DTWD2: variants seen among roughly 807,000 people sequenced by gnomAD.
The protein encoded by DTWD2 is tRNA-uridine aminocarboxypropyltransferase 2.
A neutral mutation model predicts 31.8 loss-of-function variants in DTWD2; 39 were observed. The ratio of observed to expected loss-of-function variants is 1.22; its 90% confidence interval spans 0.95 to 1.60. The LOEUF is 1.60. DTWD2 is among the 40% of genes most tolerant of loss of function. The pLI is 0.00. For synonymous variants in DTWD2, 180 were observed against 142.8 expected (o/e 1.26, Z -1.86); for missense variants, 515 against 381.5 (o/e 1.35, Z -2.92).
chr5:118,959,757 A>G (rs559145862), intron 1 of DTWD2, among the ~76,000 whole-genome samples: 1 of 152,358 alleles, frequency 6.6e-6, no homozygotes, highest in Non-Finnish European at 1.5e-5. Flanking sequence ...AAAAACAGAC[A>G]TACAGATTAA....
At chr5:118,954,249 C>T (rs748173124) in intron 1 of DTWD2, among the ~76,000 whole-genome samples, 10 of 152,114 alleles carry the variant, frequency 6.6e-5, no homozygotes, top group Non-Finnish European at 1.2e-4. Flanking sequence ...CCAGCCTGGG[C>T]AACAGAGAGA....
chr5:118,964,368 G>A (rs1163034466), intron 1 of DTWD2, among the ~76,000 whole-genome samples: 1 of 152,076 alleles, frequency 6.6e-6, no homozygotes, highest in Admixed American at 6.5e-5. Context: ...AGATGCCAGG[G>A]GAAAATTCCT....
chr5:118,860,942 C>A (rs1381298787), intron 4 of DTWD2, among the ~76,000 whole-genome samples: 1 of 152,052 alleles, frequency 6.6e-6, no homozygotes, highest in East Asian at 1.9e-4. Context: ...GACTTTAAAT[C>A]CACATCCATT....
chr5:118,848,099 G>A lies in DTWD2; in HGVS notation c.717C>T (p.Tyr239=), dbSNP rs776905929. 5 of 1,572,676 alleles carry A rather than the reference G, an allele frequency of 3.2e-6. No individual in the cohort carries two copies. In the Admixed American group the frequency reaches 9.7e-5, roughly 30 times the overall value. ...CCTTACAAAGACGTACCTCTTGTAT[G>A]TAATTATTTTTCTCCAAGATGGAAA... ...VALSILEKNN[Y]IQETLLRPLQ... is the part of the protein sequence containing the mutation. Residue 239 remains tyrosine, a synonymous_variant, in exon 5 of 6, where the codon TAC becomes TAT. Coordinates refer to ENST00000510708, the MANE Select transcript of DTWD2 (RefSeq NM_173666.4).
intron 1 of DTWD2, among the ~76,000 whole-genome samples, chr5:118,948,521 A>C (rs1754389603): frequency 6.6e-6 from 1 of 152,146 alleles, no homozygotes; most frequent in Non-Finnish European, 1.5e-5. Flanking sequence ...CAGGGTGGGG[A>C]ACAGGAAAAA....
intron 1 of DTWD2, among the ~76,000 whole-genome samples, chr5:118,986,021 C>T (rs1227233937): frequency 6.6e-6 from 1 of 152,050 alleles, no homozygotes; most frequent in Non-Finnish European, 1.5e-5. Flanking sequence ...CCTATCACAC[C>T]GTCTGGAAGA....
At chr5:118,905,678 C>A (rs1337543449) in intron 4 of DTWD2, among the ~76,000 whole-genome samples, 1 of 152,036 alleles carries the variant, frequency 6.6e-6, no homozygotes, top group Non-Finnish European at 1.5e-5. Flanking sequence ...ATTTTAATGA[C>A]ATTTCTATTT....
chr5:118,917,158 T>A (rs1753596727), intron 4 of DTWD2, among the ~76,000 whole-genome samples: 1 of 152,166 alleles, frequency 6.6e-6, no homozygotes, highest in Non-Finnish European at 1.5e-5. Flanking sequence ...AGACAAGAAA[T>A]CTCAAATTCG....
intron 4 of DTWD2, among the ~76,000 whole-genome samples, chr5:118,896,729 T>A (rs891854443): frequency 4.6e-5 from 7 of 152,300 alleles, no homozygotes; most frequent in African/African-American, 1.7e-4. Context: ...TTCAGAAGTA[T>A]AAGATTATTG....
chr5:118,974,027 G>C, intron 1 of DTWD2: 1 of 1,604,766 alleles, frequency 6.2e-7, no homozygotes, highest in Non-Finnish European at 8.5e-7. Flanking sequence ...TGGAGATGAA[G>C]ATGAGGAAGC....
chr5:118,858,304 A>G (rs1416583389), intron 4 of DTWD2, among the ~76,000 whole-genome samples: 1 of 152,238 alleles, frequency 6.6e-6, no homozygotes, highest in African/African-American at 2.4e-5. Flanking sequence ...AGGGTTTCAG[A>G]AAAGAATATC....
intron 4 of DTWD2, among the ~76,000 whole-genome samples, chr5:118,911,496 A>C (rs760792292): frequency 2.6e-5 from 4 of 152,200 alleles, no homozygotes; most frequent in African/African-American, 4.8e-5. Flanking sequence ...CAGCAATCCT[A>C]CTTCTGGGTA....
At chr5:118,882,270 T>C (rs1443661045) in intron 4 of DTWD2, among the ~76,000 whole-genome samples, 1 of 152,320 alleles carries the variant, frequency 6.6e-6, no homozygotes, top group East Asian at 1.9e-4. Context: ...GGCAAGTTGA[T>C]GCAACAGGAG....
intron 4 of DTWD2, among the ~76,000 whole-genome samples, chr5:118,868,630 G>C (rs1752433370): frequency 6.6e-6 from 1 of 152,070 alleles, no homozygotes; most frequent in Admixed American, 6.5e-5. Flanking sequence ...TTGAATCCAG[G>C]AGTTTGAGAC....
At chr5:118,857,984 A>C (rs998191128) in intron 4 of DTWD2, among the ~76,000 whole-genome samples, 1 of 152,176 alleles carries the variant, frequency 6.6e-6, no homozygotes, top group Admixed American at 6.5e-5. Context: ...ATTGAATCTT[A>C]TCAGTGGCCT....
rs147974071 is a variant in DTWD2, at chr5:118,963,477, C to G, written c.219-18828G>C. ...AAGAGATGAGTGGACAGGCTGAGGACTGACCTGCAGGACTTGGATGTTACA... is the reference window on the plus strand; with the variant it reads ...AAGAGATGAGTGGACAGGCTGAGGAGTGACCTGCAGGACTTGGATGTTACA... On this transcript the variant is annotated intron_variant, in intron 1 of 5. Coordinates refer to ENST00000510708, the MANE Select transcript of DTWD2 (RefSeq NM_173666.4). Among the ~76,000 whole-genome samples the G allele has an allele frequency of 4.8e-3, 724 of 152,312 alleles. 8 individuals carry two copies. The highest frequency in any genetic ancestry group is 0.017 in the African/African-American group (693 of 41,556).
At chr5:118,972,956 T>C (rs908361741) in intron 1 of DTWD2, among the ~76,000 whole-genome samples, 2 of 152,248 alleles carry the variant, frequency 1.3e-5, no homozygotes, top group African/African-American at 4.8e-5. Context: ...GCTCTTCTTG[T>C]TGCTTTGATC....
At chr5:118,964,236 A>T (rs1169894357) in intron 1 of DTWD2, among the ~76,000 whole-genome samples, 5 of 150,330 alleles carry the variant, frequency 3.3e-5, no homozygotes, top group Admixed American at 1.3e-4. Context: ...AAAAAAAAAA[A>T]TTTGCAGAAT....
At chr5:118,892,464 A>C (rs1257504413) in intron 4 of DTWD2, among the ~76,000 whole-genome samples, 1 of 152,180 alleles carries the variant, frequency 6.6e-6, no homozygotes, top group African/African-American at 2.4e-5. Context: ...GGTATGACAG[A>C]AATTGTTCTA....
Sources: allele counts gnomAD v4.1 joint callset (sites outside exome capture counted in the v4.1 genomes callset), GRCh38; gene constraint gnomAD v4.1.1; transcripts MANE v1.5; gene names NCBI Gene and HGNC (gene_info 2026-07-23, HGNC 2026-07-21).